Variants in PID1 observed in about 807,000 individuals in gnomAD.
PID1 encodes phosphotyrosine interaction domain containing 1, also known as PTB-containing, cubilin and LRP1-interacting protein.
Under a neutral mutation model 19.1 loss-of-function variants are expected in PID1, and 10 were observed. The observed-to-expected ratio is 0.52, with a 90% CI of 0.32 to 0.89. The LOEUF (loss-of-function observed/expected upper bound fraction) is 0.89. Among genes scored for constraint, PID1 ranks in the 40% least tolerant of loss-of-function variants. PID1 has a pLI of 0.03. For missense variants in PID1, 248 were observed against 285.3 expected (o/e 0.87, Z 0.94); for synonymous variants, 130 against 116.0 (o/e 1.12, Z -0.78).
intron 1 of PID1, among the ~76,000 whole-genome samples, chr2:229,206,665 TCAAA>T (rs1334828684): frequency 6.6e-6 from 1 of 152,168 alleles, no homozygotes; most frequent in Non-Finnish European, 1.5e-5. Flanking sequence ...AGCGACCAAC[TCAAA>T]CATTTTATTT....
At chr2:229,036,586 A>G (rs992912903) in intron 2 of PID1, among the ~76,000 whole-genome samples, 3 of 152,032 alleles carry the variant, frequency 2.0e-5, no homozygotes, top group Admixed American at 6.6e-5. Context: ...CTCCTCTACT[A>G]AAAATACAAA....
At chr2:229,041,804 G>A (rs759499082) in intron 2 of PID1, among the ~76,000 whole-genome samples, 9 of 151,450 alleles carry the variant, frequency 5.9e-5, no homozygotes, top group Non-Finnish European at 1.0e-4. Flanking sequence ...CGGAAATGTT[G>A]AACAAATCCA....
chr2:229,267,324 T>C (rs1158953931), intron 1 of PID1, among the ~76,000 whole-genome samples: 1 of 152,182 alleles, frequency 6.6e-6, no homozygotes, highest in Non-Finnish European at 1.5e-5. Flanking sequence ...CAGAAAAAAT[T>C]GCCCAGGCTG....
Position 229,139,101 on chromosome 2 carries a change from A to G in PID1, c.177+16717T>C, listed in dbSNP as rs1559251720. 1.8e-4 allele frequency among the ~76,000 whole-genome samples: 14 copies of G among 77,336 alleles called. 1 individual carries two copies. Among genetic ancestry groups the G allele is most frequent in the African/African-American group, 7.5e-4 (12 of 16,008 alleles). 50.7% of individuals were successfully genotyped at this position (77,336 alleles called of 152,430 possible). ...AAAGAAAGAAAGAAAGAAAGAAAGAAAGAAAGAAAGAAAGAGAAAGAAAGA... is the reference window on the plus strand; with the variant it reads ...AAAGAAAGAAAGAAAGAAAGAAAGAGAGAAAGAAAGAAAGAGAAAGAAAGA... On this transcript the variant is annotated intron_variant, in intron 2 of 2. Coordinates refer to ENST00000392055, the MANE Select transcript of PID1 (RefSeq NM_001100818.2).
chr2:229,204,172 G>C (rs1017394369), intron 1 of PID1, among the ~76,000 whole-genome samples: 2 of 152,102 alleles, frequency 1.3e-5, no homozygotes, highest in Non-Finnish European at 2.9e-5. Flanking sequence ...AGGAGGTCAA[G>C]TCTATTTATC....
chr2:229,091,989 C>A (rs919721665), intron 2 of PID1, among the ~76,000 whole-genome samples: 1 of 152,206 alleles, frequency 6.6e-6, no homozygotes, highest in Non-Finnish European at 1.5e-5. Context: ...ATCACACATT[C>A]AGCTAAATGA....
chr2:229,249,995 AACCAAAGC>A (rs1298191086), intron 1 of PID1, among the ~76,000 whole-genome samples: 1 of 152,256 alleles, frequency 6.6e-6, no homozygotes, highest in African/African-American at 2.4e-5. Flanking sequence ...TAAGAGCTTG[AACCAAAGC>A]ATCAAAGCAA....
rs1210728895 is a variant in PID1, at chr2:229,139,115, G to GAAAGAAAGAAAGAAAGAA, written c.177+16702_177+16703insTTCTTTCTTTCTTTCTTT. Among the ~76,000 whole-genome samples the GAAAGAAAGAAAGAAAGAA allele has an allele frequency of 1.0e-3, 49 of 48,048 alleles. 1 individual carries two copies. The highest frequency in any genetic ancestry group is 3.8e-3 in the African/African-American group (40 of 10,550). 31.5% of individuals were successfully genotyped at this position (48,048 alleles called of 152,430 possible). A position where few individuals can be genotyped will look rare whatever the true frequency, so the allele number is the denominator to read the frequency against. On this transcript the variant is annotated intron_variant, in intron 2 of 2. Transcript: ENST00000392055. ...AGAAAGAAAGAAAGAAAGAAAGAAAGAGAAAGAAAGAAAGAAAGAAAGAAA... is the reference window on the plus strand; with the variant it reads ...AGAAAGAAAGAAAGAAAGAAAGAAAGAAAGAAAGAAAGAAAGAAAGAAAGAAAGAAAGAAAGAAAGAAA...
Position 229,028,205 on chromosome 2 carries a change from A to G in PID1, c.178-2097T>C, listed in dbSNP as rs142615372. ...TATTTTCAGATGTTGGAATACTTGC[A>G]TATACATAATGAGATATCTTGGGGA... On this transcript the variant is annotated intron_variant, in intron 2 of 2. Coordinates refer to ENST00000392055, the MANE Select transcript of PID1 (RefSeq NM_001100818.2). Among the ~76,000 whole-genome samples, 298 of 152,360 alleles carry G rather than the reference A, an allele frequency of 2.0e-3. 1 individual carries two copies. The highest frequency in any genetic ancestry group is 6.8e-3 in the African/African-American group (282 of 41,598).
At chr2:229,040,156 C>T (rs543023909) in intron 2 of PID1, among the ~76,000 whole-genome samples, 14 of 148,734 alleles carry the variant, frequency 9.4e-5, no homozygotes, top group Middle Eastern at 7.0e-3. Flanking sequence ...CAGTGGCTCA[C>T]GCCAGCAATC....
chr2:229,125,689 A>G (rs1484896570), intron 2 of PID1, among the ~76,000 whole-genome samples: 1 of 152,212 alleles, frequency 6.6e-6, no homozygotes, highest in African/African-American at 2.4e-5. Flanking sequence ...ATAAAAGATG[A>G]GGATACACGG....
chr2:229,047,110 C>T (rs1252062016), intron 2 of PID1, among the ~76,000 whole-genome samples: 3 of 152,228 alleles, frequency 2.0e-5, no homozygotes, highest in Non-Finnish European at 4.4e-5. Context: ...TCTTCCTCCC[C>T]AGTCCTGTCT....
intron 2 of PID1, among the ~76,000 whole-genome samples, chr2:229,146,357 T>C (rs1690130009): frequency 6.6e-6 from 1 of 152,058 alleles, no homozygotes; most frequent in African/African-American, 2.4e-5. Flanking sequence ...GGGAGATAAT[T>C]AGGACAAATA....
chr2:229,052,548 CTT>C (rs11287338), intron 2 of PID1, among the ~76,000 whole-genome samples: 3 of 150,536 alleles, frequency 2.0e-5, no homozygotes, highest in African/African-American at 7.3e-5. Flanking sequence ...GCTTAGAGAG[CTT>C]TTTTTTTTCA....
At chr2:229,170,027 AC>A (rs1163008517) in intron 1 of PID1, among the ~76,000 whole-genome samples, 1 of 152,076 alleles carries the variant, frequency 6.6e-6, no homozygotes, top group African/African-American at 2.4e-5. Flanking sequence ...TCACTTCCGA[AC>A]CCCTGTCAAG....
At chr2:229,067,528 A>G (rs978525376) in intron 2 of PID1, among the ~76,000 whole-genome samples, 22 of 151,984 alleles carry the variant, frequency 1.4e-4, no homozygotes, top group African/African-American at 5.3e-4. Flanking sequence ...CTTTACTCCC[A>G]TAGCCCCACC....
chr2:229,198,148 T>C (rs908558303), intron 1 of PID1, among the ~76,000 whole-genome samples: 3 of 152,160 alleles, frequency 2.0e-5, no homozygotes, highest in South Asian at 4.1e-4. Flanking sequence ...GGAAACTATA[T>C]AGAAAAATCT....
Position 229,070,223 on chromosome 2 carries a change from T to G in PID1, c.178-44115A>C, listed in dbSNP as rs1694424918. Among the ~76,000 whole-genome samples the G allele has an allele frequency of 2.0e-5, 3 of 152,150 alleles. No homozygotes were observed. The South Asian group carries it at 6.2e-4, about 32-fold the overall frequency. Reference sequence around the variant, plus strand: ...AAAGTAGTTTGTAAAAATTGTATATTAGGTTTATATGAAGGGGGAGGCATT... The same window carrying G: ...AAAGTAGTTTGTAAAAATTGTATATGAGGTTTATATGAAGGGGGAGGCATT... On this transcript the variant is annotated intron_variant, in intron 2 of 2. Transcript: ENST00000392055.
intron 2 of PID1, among the ~76,000 whole-genome samples, chr2:229,153,418 A>C (rs1395566533): frequency 6.6e-6 from 1 of 152,146 alleles, no homozygotes; most frequent in Non-Finnish European, 1.5e-5. Context: ...AGGGATGGAG[A>C]GTCCATAAAC....
Sources: gnomAD v4.1 joint callset for allele counts (sites outside exome capture counted in the v4.1 genomes callset) on GRCh38, gnomAD v4.1.1 for gene constraint, MANE v1.5 for transcripts, NCBI Gene and HGNC (gene_info 2026-07-23, HGNC 2026-07-21) for gene names.